The following PDCD1LG2 variants were observed in gnomAD, a reference collection of about 807,000 sequenced individuals.
PDCD1LG2 encodes the protein B7 dendritic cell molecule.
PDCD1LG2 carries 32 observed loss-of-function variants against 28.2 expected under a neutral mutation model. The observed-to-expected ratio is 1.13, with a 90% CI of 0.86 to 1.52. The LOEUF (loss-of-function observed/expected upper bound fraction) is 1.52. PDCD1LG2 is among the 40% of genes most tolerant of loss of function. The probability of loss-of-function intolerance (pLI) is 0.00; values close to 1 mark genes in which losing one functional copy is unlikely to be tolerated. For synonymous variants in PDCD1LG2, 116 were observed against 120.2 expected (o/e 0.97, Z 0.23); for missense variants, 385 against 323.8 (o/e 1.19, Z -1.45).
chr9:5,542,367 AG>A (rs55864432), intron 3 of PDCD1LG2, among the ~76,000 whole-genome samples: 23,427 of 152,158 alleles, frequency 0.15, 2,324 homozygotes, highest in African/African-American at 0.27. Flanking sequence ...GCTTCTGCAC[AG>A]CAAAAGAAAT....
intron 3 of PDCD1LG2, among the ~76,000 whole-genome samples, chr9:5,539,693 T>C (rs190819613): frequency 7.2e-5 from 11 of 151,840 alleles, no homozygotes; most frequent in Admixed American, 7.2e-4. Flanking sequence ...GGAGCTGGGG[T>C]TGAGAACTGG....
At chr9:5,513,813 C>G (rs1216407212) in intron 1 of PDCD1LG2, among the ~76,000 whole-genome samples, 2 of 152,160 alleles carry the variant, frequency 1.3e-5, no homozygotes, top group African/African-American at 2.4e-5. Flanking sequence ...ATAAGTGAAT[C>G]CAGCTAGGTC....
intron 2 of PDCD1LG2, among the ~76,000 whole-genome samples, chr9:5,524,727 A>G (rs758382812): frequency 1.3e-5 from 2 of 152,174 alleles, no homozygotes; most frequent in Non-Finnish European, 2.9e-5. Context: ...TAAAAAGGAT[A>G]GTCTTATCTA....
intron 1 of PDCD1LG2, among the ~76,000 whole-genome samples, chr9:5,519,092 G>T (rs1458842611): frequency 6.6e-6 from 1 of 152,162 alleles, no homozygotes; most frequent in African/African-American, 2.4e-5. Context: ...GAGGTGGGTG[G>T]GGGGTGCGCA....
intron 4 of PDCD1LG2, 111 bp downstream of exon 4, chr9:5,549,715 G>A: frequency 1.5e-6 from 2 of 1,325,284 alleles, no homozygotes; most frequent in Middle Eastern, 1.9e-4. Context: ...TTACAAAGGT[G>A]TGATCACCAT....
intron 2 of PDCD1LG2, among the ~76,000 whole-genome samples, chr9:5,526,077 T>C (rs4742103): frequency 0.36 from 53,784 of 149,860 alleles, 10,877 homozygotes; most frequent in South Asian, 0.51. Context: ...AGGAAGAGAC[T>C]GATAAGCCCG....
chr9:5,538,772 G>T (rs1376323149), intron 3 of PDCD1LG2, among the ~76,000 whole-genome samples: 1 of 151,854 alleles, frequency 6.6e-6, no homozygotes, highest in Non-Finnish European at 1.5e-5. Flanking sequence ...TATAACAGCA[G>T]AAAAAATTGT....
intron 3 of PDCD1LG2, among the ~76,000 whole-genome samples, chr9:5,541,758 G>T (rs1820691770): frequency 6.6e-6 from 1 of 151,792 alleles, no homozygotes. Flanking sequence ...GATTGCAAAA[G>T]CAATCTACAA....
At chr9:5,527,713 T>G (rs1363122796) in intron 2 of PDCD1LG2, among the ~76,000 whole-genome samples, 1 of 152,320 alleles carries the variant, frequency 6.6e-6, no homozygotes, top group East Asian at 1.9e-4. Flanking sequence ...GTGTATGGTT[T>G]ATTGTGAGAA....
intron 2 of PDCD1LG2, among the ~76,000 whole-genome samples, chr9:5,526,390 C>T (rs910391557): frequency 1.3e-5 from 2 of 152,178 alleles, no homozygotes. Flanking sequence ...TTTGCAAATA[C>T]TCTTCATAGC....
chr9:5,532,765 T>G (rs942708066), intron 2 of PDCD1LG2, among the ~76,000 whole-genome samples: 5 of 152,238 alleles, frequency 3.3e-5, no homozygotes, highest in African/African-American at 1.2e-4. Context: ...GGCCATGCAT[T>G]CCACATATGA....
At chr9:5,526,594 G>A (rs546192501) in intron 2 of PDCD1LG2, among the ~76,000 whole-genome samples, 109 of 152,002 alleles carry the variant, frequency 7.2e-4, no homozygotes, top group Admixed American at 1.1e-3. Context: ...TGTACCACCC[G>A]GTCTGGCTAA....
chr9:5,548,421 T>C (rs1381050223), intron 3 of PDCD1LG2, among the ~76,000 whole-genome samples: 1 of 152,224 alleles, frequency 6.6e-6, no homozygotes, highest in Non-Finnish European at 1.5e-5. Context: ...TTAGTTTGGT[T>C]CCACATCTTG....
intron 2 of PDCD1LG2, among the ~76,000 whole-genome samples, chr9:5,528,465 T>C (rs1178929476): frequency 4.6e-5 from 7 of 150,922 alleles, no homozygotes; most frequent in African/African-American, 1.7e-4. Flanking sequence ...CATGCCTGGC[T>C]AATTTTTTTT....
In PDCD1LG2 at chr9:5,571,272, A is replaced by T. The variant is rs963443901; in HGVS notation, c.*1313A>T. On this transcript the variant is annotated 3_prime_UTR_variant, in exon 7 of 7. Coordinates refer to ENST00000397747, the MANE Select transcript of PDCD1LG2 (RefSeq NM_025239.4). ...TTCTTCAACGTTCTTTATATATTCT[A>T]CTTTTGGGTAAGAGGTTTGCTCAGG... 2 of 229,704 alleles carry T rather than the reference A, an allele frequency of 8.7e-6. No individual in the cohort carries two copies. Among genetic ancestry groups the T allele is most frequent in the African/African-American group, 2.2e-5 (1 of 45,144 alleles). 14.2% of individuals were successfully genotyped at this position (229,704 alleles called of 1,614,324 possible).
chr9:5,560,822 G>A (rs574718349), intron 5 of PDCD1LG2, among the ~76,000 whole-genome samples: 1 of 152,216 alleles, frequency 6.6e-6, no homozygotes, highest in East Asian at 1.9e-4. Flanking sequence ...GTGTACTAAA[G>A]TGTATTGGGA....
intron 3 of PDCD1LG2, among the ~76,000 whole-genome samples, chr9:5,539,775 C>T (rs1001028137): frequency 3.3e-5 from 5 of 152,202 alleles, no homozygotes; most frequent in African/African-American, 1.2e-4. Flanking sequence ...CCAAACCATC[C>T]TGAAGGCCTG....
rs778357347 is a variant in PDCD1LG2, at chr9:5,570,708, A to G, written c.*749A>G. 1.7e-5 allele frequency: 4 copies of G among 231,748 alleles called. No homozygotes were observed. Among genetic ancestry groups the G allele is most frequent in the South Asian group, 3.6e-4 (2 of 5,526 alleles). The allele number at this position is 231,748 out of a possible 1,614,324, so 14.4% of individuals were successfully genotyped here. A position where few individuals can be genotyped will look rare whatever the true frequency, so the allele number is the denominator to read the frequency against. ...GTTTCTTTTTATTTGTTTTTACCTTAGAAATCAATTATATACAGTCAAAAA... is the reference window on the plus strand; with the variant it reads ...GTTTCTTTTTATTTGTTTTTACCTTGGAAATCAATTATATACAGTCAAAAA... On this transcript the variant is annotated 3_prime_UTR_variant, in exon 7 of 7. Transcript: ENST00000397747.
At chr9:5,551,562 C>T (rs1180435597) in intron 4 of PDCD1LG2, among the ~76,000 whole-genome samples, 1 of 152,196 alleles carries the variant, frequency 6.6e-6, no homozygotes, top group African/African-American at 2.4e-5. Flanking sequence ...CTGCTTCACG[C>T]CCATTGGTTG....
Sources: gnomAD v4.1 joint callset for allele counts (sites outside exome capture counted in the v4.1 genomes callset) on GRCh38, gnomAD v4.1.1 for gene constraint, MANE v1.5 for transcripts, NCBI Gene and HGNC (gene_info 2026-07-23, HGNC 2026-07-21) for gene names.